KDM4C: variants seen among roughly 807,000 people sequenced by gnomAD.
KDM4C encodes lysine demethylase 4C, also known as lysine-specific demethylase 4C.
Under a neutral mutation model 129.3 loss-of-function variants are expected in KDM4C, and 81 were observed. That is an observed-to-expected ratio of 0.63 (90% CI 0.52 to 0.75). The LOEUF (loss-of-function observed/expected upper bound fraction) is 0.75, where lower values mean the gene tolerates loss of function less well. Ranked by LOEUF, KDM4C falls within the 30% of genes least tolerant of loss-of-function variation. KDM4C has a pLI of 0.00. For synonymous variants in KDM4C, 573 were observed against 456.1 expected, an observed-to-expected ratio of 1.26 and a Z score of -3.26; for missense variants, 1,457 against 1,304.0, an observed-to-expected ratio of 1.12 and a Z score of -1.81.
intron 8 of KDM4C, among the ~76,000 whole-genome samples, chr9:6,948,895 T>C (rs7849018): frequency 0.74 from 112,452 of 151,886 alleles, 42,135 homozygotes; most frequent in East Asian, 1. Flanking sequence ...TCTACACAGA[T>C]GCAGCAACAA....
chr9:6,906,832 A>G (rs1818410688), intron 8 of KDM4C, among the ~76,000 whole-genome samples: 1 of 152,262 alleles, frequency 6.6e-6, no homozygotes. Context: ...TGTAGACTCA[A>G]GTGAATTTTA....
At position 6,844,519 on chromosome 9, in the gene KDM4C, T is replaced by G. The variant is rs149366992; in HGVS notation, c.436-4988T>G. ...CACTGTTTTACATGATGTAAATGTG[T>G]TATACAAACAAGCTTCCGTGGTCAA... On this transcript the variant is annotated intron_variant, in intron 4 of 21. Coordinates refer to ENST00000381309, the MANE Select transcript of KDM4C (RefSeq NM_015061.6). Among the ~76,000 whole-genome samples, 1,161 of 152,328 alleles carry G rather than the reference T, an allele frequency of 7.6e-3. 10 individuals carry two copies. Among genetic ancestry groups the G allele is most frequent in the Middle Eastern group, 0.014 (4 of 294 alleles).
chr9:7,072,479 T>C (rs1033155985), intron 17 of KDM4C, among the ~76,000 whole-genome samples: 1 of 152,226 alleles, frequency 6.6e-6, no homozygotes, highest in Admixed American at 6.5e-5. Context: ...CAACCATGGA[T>C]GAATCTCAGA....
chr9:6,849,167 C>T (rs1315534780), intron 4 of KDM4C, among the ~76,000 whole-genome samples: 1 of 152,202 alleles, frequency 6.6e-6, no homozygotes, highest in Non-Finnish European at 1.5e-5. Context: ...GGAGGGAGAG[C>T]ACATGCCGGA....
intron 8 of KDM4C, among the ~76,000 whole-genome samples, chr9:6,961,813 AT>A (rs1291770018): frequency 6.6e-6 from 1 of 152,310 alleles, no homozygotes; most frequent in African/African-American, 2.4e-5. Context: ...TTTCCATATT[AT>A]TGCATCTTCT....
At chr9:7,019,313 C>G (rs929173681) in intron 15 of KDM4C, among the ~76,000 whole-genome samples, 1 of 152,146 alleles carries the variant, frequency 6.6e-6, no homozygotes, top group Non-Finnish European at 1.5e-5. Context: ...CAGTTTTACA[C>G]TCCAGAGGAG....
At chr9:7,028,560 T>C (rs956203642) in intron 15 of KDM4C, among the ~76,000 whole-genome samples, 20 of 151,706 alleles carry the variant, frequency 1.3e-4, no homozygotes, top group African/African-American at 4.4e-4. Flanking sequence ...AGGTCGGAGG[T>C]GGCACAAGTA....
At chr9:6,757,191 C>G (rs1179022011), upstream of KDM4C, among the ~76,000 whole-genome samples, 1 of 152,212 alleles carries the variant, frequency 6.6e-6, no homozygotes, top group Non-Finnish European at 1.5e-5. Context: ...GTTAACTTAT[C>G]TAGTCTCAGA....
At chr9:7,111,028 G>C (rs575073368) in intron 18 of KDM4C, among the ~76,000 whole-genome samples, 1 of 152,026 alleles carries the variant, frequency 6.6e-6, no homozygotes, top group East Asian at 1.9e-4. Flanking sequence ...GGAAGTAAAC[G>C]TAACCTTTTT....
At chr9:6,722,447 G>A (rs1816986033) in intron 1 of KDM4C, among the ~76,000 whole-genome samples, 1 of 152,098 alleles carries the variant, frequency 6.6e-6, no homozygotes, top group East Asian at 1.9e-4. Context: ...GGAGGCTGAG[G>A]CGGGCAGATC....
In KDM4C at chr9:6,767,077, T is replaced by C. The variant is rs190024291; in HGVS notation, c.-18+8874T>C. Among the ~76,000 whole-genome samples the C allele has an allele frequency of 1.5e-3, 233 of 152,264 alleles. 1 individual carries two copies. The highest frequency in any genetic ancestry group is 5.4e-3 in the African/African-American group (224 of 41,562). On this transcript the variant is annotated intron_variant, in intron 1 of 21. Transcript: ENST00000381309. The stretch of plus-strand genomic sequence containing the variant: ...ATCCCTTTGAGTGGGTGAACTGAAG[T>C]GTTTTTTTTGCAGGTAGTTTATCTC...
intron 2 of KDM4C, among the ~76,000 whole-genome samples, chr9:6,796,875 A>T (rs190569421): frequency 1.3e-4 from 20 of 152,320 alleles, no homozygotes; most frequent in African/African-American, 4.8e-4. Context: ...ATATGTATAA[A>T]ACTGTACCGA....
intron 21 of KDM4C, chr9:7,170,138 A>G: frequency 1.5e-6 from 2 of 1,366,934 alleles, no homozygotes; most frequent in Admixed American, 5.6e-5. Context: ...GTTGACATTT[A>G]TTGGTGCACA....
intron 8 of KDM4C, among the ~76,000 whole-genome samples, chr9:6,947,437 G>A (rs1055942400): frequency 6.6e-6 from 1 of 151,914 alleles, no homozygotes; most frequent in Non-Finnish European, 1.5e-5. Flanking sequence ...AGAGCTGTTT[G>A]TTTAGATAAG....
chr9:6,751,677 A>C (rs762768614), intron 1 of KDM4C, among the ~76,000 whole-genome samples: 3 of 152,172 alleles, frequency 2.0e-5, no homozygotes, highest in Admixed American at 6.6e-5. Flanking sequence ...ATGAGATCTC[A>C]ATTATGCATA....
chr9:6,875,543 C>A (rs956763447), intron 5 of KDM4C, among the ~76,000 whole-genome samples: 1 of 152,148 alleles, frequency 6.6e-6, no homozygotes, highest in Admixed American at 6.5e-5. Context: ...ATACTTATTT[C>A]AGATGTAAGA....
At chr9:7,019,721 A>AATATTTTT (rs1824363274) in intron 15 of KDM4C, among the ~76,000 whole-genome samples, 1 of 98,700 alleles carries the variant, frequency 1.0e-5, no homozygotes, top group East Asian at 3.6e-4. Context: ...ATAAAAATAT[A>AATATTTTT]ATATTTTTAT....
chr9:6,844,835 G>A lies in KDM4C; in HGVS notation c.436-4672G>A, dbSNP rs181459418. Among the ~76,000 whole-genome samples, 1,278 of 152,202 alleles carry A rather than the reference G, an allele frequency of 8.4e-3. 11 individuals carry two copies. Among genetic ancestry groups the A allele is most frequent in the Non-Finnish European group, 0.012 (833 of 68,010 alleles). On this transcript the variant is annotated intron_variant, in intron 4 of 21. Transcript: ENST00000381309. ...CCTGAATAGCTGGGATTACAGGTGT[G>A]TGCCACCACACCCGGCTAATTTTTG... is the stretch of plus-strand genomic sequence containing the variant.
At chr9:6,762,701 C>A (rs748243863) in intron 1 of KDM4C, among the ~76,000 whole-genome samples, 13 of 149,322 alleles carry the variant, frequency 8.7e-5, no homozygotes, top group Non-Finnish European at 1.5e-4. Context: ...CCTTGTTGCC[C>A]AGGCTGGAGT....
Sources: gnomAD v4.1 joint callset for allele counts (sites outside exome capture counted in the v4.1 genomes callset) on GRCh38, gnomAD v4.1.1 for gene constraint, MANE v1.5 for transcripts, NCBI Gene and HGNC (gene_info 2026-07-23, HGNC 2026-07-21) for gene names.